The following NEK5 variants were observed in gnomAD, a reference collection of about 807,000 sequenced individuals.
The protein encoded by NEK5 is serine/threonine-protein kinase Nek5.
A neutral mutation model predicts 109.2 loss-of-function variants in NEK5; 88 were observed. The observed-to-expected ratio is 0.81, with a 90% CI of 0.68 to 0.96. The LOEUF (loss-of-function observed/expected upper bound fraction) is 0.96. Ranked by LOEUF, NEK5 falls within the 40% of genes least tolerant of loss-of-function variation. NEK5 has a pLI of 0.00. For missense variants in NEK5, 834 were observed against 920.7 expected, an observed-to-expected ratio of 0.91 and a Z score of 1.22; for synonymous variants, 283 against 299.9, an observed-to-expected ratio of 0.94 and a Z score of 0.58.
In NEK5 at chr13:52,087,395, A is replaced by C; in HGVS notation, c.1335T>G (p.Asn445Lys). The C allele has an allele frequency of 6.2e-7, 1 of 1,612,564 alleles. No individual in the cohort carries two copies. The highest frequency in any genetic ancestry group is 2.2e-5 in the East Asian group (1 of 44,852). ...NYNQRQELRS[N>K]GEEPRFQELP... is the part of the protein sequence containing the mutation. ...GCTCCTGGAATCTAGGCTCTTCTCC[A>C]TTACTTCTTAGCTCTTGTCTCTGGT... The change falls in exon 15 of 24, where the codon AAT becomes AAG. Residue 445 changes from asparagine (N) to lysine (K), a missense_variant. Physicochemically the swap from Asn to Lys is moderately conservative, Grantham distance 94 (BLOSUM62 0). Coordinates refer to ENST00000684899, the MANE Select transcript of NEK5 (RefSeq NM_001365552.1).
At chr13:52,112,747 T>C (rs560866398) in intron 4 of NEK5, among the ~76,000 whole-genome samples, 2 of 152,354 alleles carry the variant, frequency 1.3e-5, no homozygotes, top group South Asian at 2.1e-4. Flanking sequence ...GAAGAATTAA[T>C]AGCCCCTTCT....
intron 12 of NEK5, among the ~76,000 whole-genome samples, chr13:52,099,532 T>C (rs969614759): frequency 2.0e-5 from 3 of 152,140 alleles, no homozygotes; most frequent in Admixed American, 6.5e-5. Context: ...TAGCTGGGCA[T>C]AGTGGCACAC....
At chr13:52,086,429 T>G (rs1955144830) in intron 15 of NEK5, 66 bp from the exon 16 acceptor site, 1 of 961,178 alleles carries the variant, frequency 1.0e-6, no homozygotes, top group South Asian at 1.3e-5. Context: ...ATAATCTTTC[T>G]GCAGCCTACA....
chr13:52,101,660 A>T (rs1400882665), intron 11 of NEK5, among the ~76,000 whole-genome samples: 11 of 151,930 alleles, frequency 7.2e-5, no homozygotes, highest in Admixed American at 7.2e-4. Context: ...TTTGGGCTCA[A>T]CCTCTTCAAG....
intron 16 of NEK5, among the ~76,000 whole-genome samples, chr13:52,084,563 G>A (rs900756415): frequency 1.3e-5 from 2 of 151,928 alleles, no homozygotes; most frequent in African/African-American, 4.8e-5. Flanking sequence ...TTTTGAGACC[G>A]AGTCTTGCTC....
At chr13:52,120,748 TA>T (rs1193863003) in intron 3 of NEK5, among the ~76,000 whole-genome samples, 1 of 151,848 alleles carries the variant, frequency 6.6e-6, no homozygotes, top group Non-Finnish European at 1.5e-5. Context: ...CTGTCTCTAC[TA>T]AAAACACAAA....
At chr13:52,060,235 A>T (rs879325183) in intron 22 of NEK5, among the ~76,000 whole-genome samples, 15 of 152,218 alleles carry the variant, frequency 9.9e-5, no homozygotes, top group Admixed American at 3.9e-4. Flanking sequence ...GTTCCACATA[A>T]AAAAATTCCA....
intron 17 of NEK5, among the ~76,000 whole-genome samples, 193 bp from the exon 18 acceptor site, chr13:52,076,336 G>C (rs1017281831): frequency 3.3e-5 from 5 of 152,066 alleles, no homozygotes; most frequent in African/African-American, 9.7e-5. Flanking sequence ...CACTTCAGTG[G>C]GTGGAATTCT....
chr13:52,069,609 C>T (rs1188959702), intron 20 of NEK5, among the ~76,000 whole-genome samples: 1 of 152,112 alleles, frequency 6.6e-6, no homozygotes, highest in East Asian at 1.9e-4. Flanking sequence ...CTCTCCCGAC[C>T]CCATTACCCT....
rs1414982840 is a variant in NEK5 at position 52,087,351 on chromosome 13, T to A, written c.1379A>T (p.Glu460Val). The A allele has an allele frequency of 6.4e-7, 1 of 1,556,002 alleles. No individual in the cohort carries two copies. The highest frequency in any genetic ancestry group is 8.9e-7 in the Non-Finnish European group (1 of 1,127,550). The change falls in exon 15 of 24, where the codon GAA becomes GTA. Residue 460 changes from glutamate (E) to valine (V), a missense_variant. Coordinates refer to ENST00000684899, the MANE Select transcript of NEK5 (RefSeq NM_001365552.1). Reference protein sequence around the residue: ...RFQELPFRKNEMKEQEYWKQL... With the variant: ...RFQELPFRKNVMKEQEYWKQL... ...ACAGTTTTTAACCTGTTCCTTCATTTCGTTTTTCCTAAATGGCAGCTCCTG... is the reference window on the plus strand; with the variant it reads ...ACAGTTTTTAACCTGTTCCTTCATTACGTTTTTCCTAAATGGCAGCTCCTG...
chr13:52,065,374 A>C, intron 21 of NEK5, 110 bp downstream of exon 21: 6 of 1,418,520 alleles, frequency 4.2e-6, no homozygotes, highest in Non-Finnish European at 6.0e-6. Context: ...GTCTGATACA[A>C]GATCTATAGG....
chr13:52,057,759 T>C (rs868711729), intron 22 of NEK5, among the ~76,000 whole-genome samples: 1 of 152,110 alleles, frequency 6.6e-6, no homozygotes, highest in Non-Finnish European at 1.5e-5. Flanking sequence ...CAACCCTTCA[T>C]GCTAAAAACT....
At chr13:52,120,634 G>A (rs1228341100) in intron 3 of NEK5, among the ~76,000 whole-genome samples, 3 of 152,120 alleles carry the variant, frequency 2.0e-5, no homozygotes, top group Non-Finnish European at 4.4e-5. Flanking sequence ...AATTTGGCTG[G>A]GTGTGGTAGC....
chr13:52,101,007 T>G (rs1300262020), intron 11 of NEK5, among the ~76,000 whole-genome samples: 1 of 152,214 alleles, frequency 6.6e-6, no homozygotes, highest in East Asian at 1.9e-4. Context: ...TCTGGGGCTT[T>G]GACTTTCACA....
At chr13:52,073,507 G>A (rs1216948254) in intron 19 of NEK5, among the ~76,000 whole-genome samples, 1 of 151,812 alleles carries the variant, frequency 6.6e-6, no homozygotes, top group East Asian at 1.9e-4. Flanking sequence ...AGTAGAGATG[G>A]GGTTTCACCA....
At chr13:52,120,068 CCT>C (rs1424070590) in intron 3 of NEK5, among the ~76,000 whole-genome samples, 2 of 152,124 alleles carry the variant, frequency 1.3e-5, no homozygotes, top group Non-Finnish European at 2.9e-5. Context: ...ACTTCCAGCC[CCT>C]GACTGCCCCG....
At chr13:52,048,068 A>G (rs368471801) in intron 23 of NEK5, among the ~76,000 whole-genome samples, 2 of 152,206 alleles carry the variant, frequency 1.3e-5, no homozygotes, top group African/African-American at 4.8e-5. Flanking sequence ...CTAGTGCTCT[A>G]TACCACTGTA....
intron 23 of NEK5, among the ~76,000 whole-genome samples, chr13:52,044,184 G>A (rs190414822): frequency 3.3e-5 from 5 of 152,302 alleles, no homozygotes; most frequent in African/African-American, 9.6e-5. Context: ...CAAGTTCTTC[G>A]GTTTTGAATT....
intron 19 of NEK5, among the ~76,000 whole-genome samples, chr13:52,074,953 T>C (rs1038379659): frequency 6.6e-6 from 1 of 152,194 alleles, no homozygotes; most frequent in African/African-American, 2.4e-5. Flanking sequence ...AGAATGGCTA[T>C]TACTAAAAAG....
Sources: gnomAD v4.1 joint callset for allele counts (sites outside exome capture counted in the v4.1 genomes callset) on GRCh38, gnomAD v4.1.1 for gene constraint, MANE v1.5 for transcripts, NCBI Gene and HGNC (gene_info 2026-07-23, HGNC 2026-07-21) for gene names.